The following RAD51C variants were observed in gnomAD, a reference collection of about 807,000 sequenced individuals.
RAD51C encodes DNA repair protein RAD51 homolog 3.
A neutral mutation model predicts 45.0 loss-of-function variants in RAD51C; 42 were observed. That is an observed-to-expected ratio of 0.93 (90% confidence interval 0.73 to 1.21). The LOEUF (loss-of-function observed/expected upper bound fraction) is 1.21, where lower values mean the gene tolerates loss of function less well. RAD51C is among the 50% of genes most tolerant of loss of function. The probability of loss-of-function intolerance (pLI) is 0.00; values close to 1 mark genes in which losing one functional copy is unlikely to be tolerated. For synonymous variants in RAD51C, 172 were observed against 159.8 expected, an observed-to-expected ratio of 1.08 and a Z score of -0.58; for missense variants, 474 against 452.2, an observed-to-expected ratio of 1.05 and a Z score of -0.44.
chr17:58,707,744 A>T (rs2048422930), intron 4 of RAD51C, among the ~76,000 whole-genome samples: 1 of 152,150 alleles, frequency 6.6e-6, no homozygotes, highest in African/African-American at 2.4e-5. Context: ...TAACAAAAAT[A>T]CTATAGTCTG....
At chr17:58,726,740 C>G (rs78253932) in intron 7 of RAD51C, among the ~76,000 whole-genome samples, 22,176 of 151,712 alleles carry the variant, frequency 0.15, 2,486 homozygotes, top group East Asian at 0.31. Context: ...AATAGTGTTA[C>G]CAGATGAGAT....
chr17:58,698,245 C>T (rs917521979), intron 3 of RAD51C, among the ~76,000 whole-genome samples: 7 of 147,276 alleles, frequency 4.8e-5, no homozygotes, highest in Non-Finnish European at 8.9e-5. Flanking sequence ...TGTAATGGCA[C>T]AATCTCGGCT....
At position 58,732,507 on chromosome 17, in the gene RAD51C, C is replaced by G. The variant is rs1567817392; in HGVS notation, c.989C>G (p.Pro330Arg). ...KQRLATLYKS[P>R]SQKECTVLFQ... The stretch of plus-strand genomic sequence containing the variant: ...AGGTTGGCAACATTGTACAAGTCAC[C>G]CAGCCAGAAGGAATGCACAGTACTG... The change falls in exon 8 of 9, where the codon CCC becomes CGC. Residue 330 changes from proline (P) to arginine (R), a missense_variant. Physicochemically the swap from Pro to Arg is moderately radical, Grantham distance 103 (BLOSUM62 -2). Transcript: ENST00000337432. 6.2e-7 allele frequency: 1 copy of G among 1,612,836 alleles called. No homozygotes were observed. The highest frequency in any genetic ancestry group is 8.5e-7 in the Non-Finnish European group (1 of 1,179,282).
intron 5 of RAD51C, among the ~76,000 whole-genome samples, chr17:58,720,402 C>T (rs1046904416): frequency 2.1e-4 from 31 of 147,200 alleles, no homozygotes; most frequent in Non-Finnish European, 3.9e-4. Flanking sequence ...GGTGACTGAG[C>T]GAGACTCTGT....
rs28363311 is a variant in RAD51C, at chr17:58,709,898, C to G, written c.745C>G (p.Arg249Gly). 1 of 1,610,612 alleles carries G rather than the reference C, an allele frequency of 6.2e-7. No homozygotes were observed. Among genetic ancestry groups the G allele is most frequent in the East Asian group, 2.2e-5 (1 of 44,836 alleles). ...VIVDGIAFPF[R>G]HDLDDLSLRT... Reference sequence around the variant, plus strand: ...AGTGGATGGTATTGCTTTTCCATTTCGTCATGACCTAGATGACCTGTCTCT... The same window carrying G: ...AGTGGATGGTATTGCTTTTCCATTTGGTCATGACCTAGATGACCTGTCTCT... Residue 249 changes from arginine to glycine, a missense_variant, in exon 5 of 9, where the codon CGT becomes GGT. Physicochemically the swap from Arg to Gly is moderately radical, Grantham distance 125. Coordinates refer to ENST00000337432, the MANE Select transcript of RAD51C (RefSeq NM_058216.3).
chr17:58,697,283 A>G (rs1230872194), intron 3 of RAD51C, among the ~76,000 whole-genome samples: 2 of 152,102 alleles, frequency 1.3e-5, no homozygotes, highest in African/African-American at 4.8e-5. Context: ...CATGCCTGTA[A>G]TCCCAGCCCT....
chr17:58,702,659 C>T (rs963200597), intron 3 of RAD51C, among the ~76,000 whole-genome samples: 6 of 150,790 alleles, frequency 4.0e-5, no homozygotes, highest in Non-Finnish European at 7.4e-5. Context: ...CATCACTGCA[C>T]TCCAGCCTGG....
chr17:58,714,336 A>G (rs956463667), intron 5 of RAD51C, among the ~76,000 whole-genome samples: 27 of 152,196 alleles, frequency 1.8e-4, no homozygotes, highest in African/African-American at 6.5e-4. Flanking sequence ...TCGATTTTTG[A>G]ACATTTTGTT....
rs142741264 is a variant in RAD51C at position 58,728,987 on chromosome 17, C to G, written c.966-3497C>G. Among the ~76,000 whole-genome samples, 6 of 152,180 alleles carry G rather than the reference C, an allele frequency of 3.9e-5. No homozygotes were observed. The East Asian group carries it at 1.2e-3, about 29-fold the overall frequency. ...GTAGAGTGGAGTAATAAATCAACACCCCCACACAGTGTTTCATATGTGTGC... is the reference window on the plus strand; with the variant it reads ...GTAGAGTGGAGTAATAAATCAACACGCCCACACAGTGTTTCATATGTGTGC... On this transcript the variant is annotated intron_variant, in intron 7 of 8. Coordinates refer to ENST00000337432, the MANE Select transcript of RAD51C (RefSeq NM_058216.3).
At chr17:58,732,408 A>G in intron 7 of RAD51C, 76 bp from the exon 8 acceptor site, 1 of 1,213,106 alleles carries the variant, frequency 8.2e-7, no homozygotes, top group Non-Finnish European at 1.2e-6. Context: ...ACATTTAAAT[A>G]ATGAGTTTGG....
intron 5 of RAD51C, among the ~76,000 whole-genome samples, chr17:58,718,225 T>C (rs957594123): frequency 3.3e-5 from 5 of 152,170 alleles, no homozygotes; most frequent in African/African-American, 1.2e-4. Context: ...CTCGAACTCC[T>C]GACCTCAGGT....
intron 2 of RAD51C, among the ~76,000 whole-genome samples, chr17:58,696,439 TAAATA>T (rs28743181): frequency 0.012 from 1,758 of 152,196 alleles, 16 homozygotes; most frequent in Middle Eastern, 0.041. Flanking sequence ...TCTCAAAACA[TAAATA>T]AAATAAAATA....
chr17:58,729,014 C>G (rs890941664), intron 7 of RAD51C, among the ~76,000 whole-genome samples: 1 of 152,110 alleles, frequency 6.6e-6, no homozygotes, highest in Non-Finnish European at 1.5e-5. Context: ...TATGTGTGCT[C>G]AGTTTTAGAG....
At chr17:58,716,924 C>T (rs2143902499) in intron 5 of RAD51C, among the ~76,000 whole-genome samples, 1 of 152,168 alleles carries the variant, frequency 6.6e-6, no homozygotes, top group South Asian at 2.1e-4. Context: ...CCTCAGCCTC[C>T]TGAGTAGCTG....
rs876658482 is a variant in RAD51C, at chr17:58,692,639, C to T, written c.-5C>T. The T allele has an allele frequency of 1.3e-5, 21 of 1,614,064 alleles. No homozygotes were observed. The highest frequency in any genetic ancestry group is 1.3e-5 in the African/African-American group (1 of 75,046). ...GCTGCTCCGGGGTTAGCAGGTGAGC[C>T]TGCGATGCGCGGGAAGACGTTCCGC... On this transcript the variant is annotated 5_prime_UTR_variant, in exon 1 of 9. Coordinates refer to ENST00000337432, the MANE Select transcript of RAD51C (RefSeq NM_058216.3).
At position 58,695,611 on chromosome 17, in the gene RAD51C, C is replaced by A. The variant is rs535589478; in HGVS notation, c.404+422C>A. Among the ~76,000 whole-genome samples the A allele has an allele frequency of 2.6e-4, 40 of 151,956 alleles. No homozygotes were observed. The South Asian group carries it at 3.8e-3, about 14-fold the overall frequency. ...GGCCTGCCTGGGCAACATAGTGAGA[C>A]CTCGTCTCTACTAAAAATGGAAAAT... On this transcript the variant is annotated intron_variant, in intron 2 of 8. Transcript: ENST00000337432.
chr17:58,719,485 TCAGCCTGGGCAACA>T (rs1378182785), intron 5 of RAD51C, among the ~76,000 whole-genome samples: 1 of 151,574 alleles, frequency 6.6e-6, no homozygotes, highest in Non-Finnish European at 1.5e-5. Context: ...GAGTTCAAGA[TCAGCCTGGGCAACA>T]TAGCAAGACC....
At chr17:58,732,932 A>G (rs997100546) in intron 8 of RAD51C, among the ~76,000 whole-genome samples, 1 of 152,192 alleles carries the variant, frequency 6.6e-6, no homozygotes. Flanking sequence ...TAAGATGTTA[A>G]TTCTTCTGTG....
At chr17:58,730,596 T>C (rs2049382345) in intron 7 of RAD51C, among the ~76,000 whole-genome samples, 2 of 152,176 alleles carry the variant, frequency 1.3e-5, no homozygotes, top group African/African-American at 2.4e-5. Flanking sequence ...TTCTTTTGAA[T>C]TGTGTCTGAG....
Sources: gnomAD v4.1 joint callset for allele counts (sites outside exome capture counted in the v4.1 genomes callset) on GRCh38, gnomAD v4.1.1 for gene constraint, MANE v1.5 for transcripts, NCBI Gene and HGNC (gene_info 2026-07-23, HGNC 2026-07-21) for gene names.